The following PAICS variants were observed in gnomAD, a reference collection of about 807,000 sequenced individuals.
PAICS encodes the protein phosphoribosylaminoimidazole carboxylase and phosphoribosylaminoimidazolesuccinocarboxamide synthase, also known as bifunctional phosphoribosylaminoimidazole carboxylase/phosphoribosylaminoimidazole succinocarboxamide synthetase.
PAICS carries 33 observed loss-of-function variants against 53.7 expected under a neutral mutation model. That is an observed-to-expected ratio of 0.61 (90% CI 0.47 to 0.82). The LOEUF (loss-of-function observed/expected upper bound fraction) is 0.82, where lower values mean the gene tolerates loss of function less well. PAICS is among the 40% of genes least tolerant of loss of function. The pLI, the probability that PAICS is intolerant of heterozygous loss-of-function variation, is 0.00. For synonymous variants in PAICS, 141 were observed against 167.2 expected (o/e 0.84, Z 1.21); for missense variants, 394 against 494.1 (o/e 0.80, Z 1.92).
At chr4:56,440,407 A>G (rs1287498661) in intron 1 of PAICS, among the ~76,000 whole-genome samples, 6 of 152,168 alleles carry the variant, frequency 3.9e-5, no homozygotes, top group African/African-American at 1.2e-4. Flanking sequence ...TACTTTGTTT[A>G]ATGGTTACCT....
At chr4:56,436,114 T>A (rs1338807424), upstream of PAICS, 3 of 1,473,574 alleles carry the variant, frequency 2.0e-6, no homozygotes, top group Admixed American at 4.9e-5. Context: ...AGTGGGGCGT[T>A]GTTTCGTCCG....
the PAICS span, among the ~76,000 whole-genome samples, chr4:56,430,044 T>C: frequency 6.6e-6 from 1 of 152,156 alleles, no homozygotes; most frequent in South Asian, 2.1e-4. Flanking sequence ...GAGGATCACT[T>C]GAACTCAGGA....
rs772896399 is a variant in PAICS, at chr4:56,451,896, T to C, written c.796T>C (p.Cys266Arg). Reference protein sequence around the residue: ...VELLLKSESQCRVVVLMGSTS... With the variant: ...VELLLKSESQRRVVVLMGSTS... ...GTTGCTTTTGAAATCAGAAAGTCAG[T>C]GCAGGGTTGTAGTGTTGATGGGCTC... Residue 266 changes from cysteine to arginine, a missense_variant, in exon 7 of 9, where the codon TGC (cysteine) becomes CGC (arginine). Coordinates refer to ENST00000512576, the MANE Select transcript of PAICS (RefSeq NM_001079524.2). 6.9e-6 allele frequency: 11 copies of C among 1,599,850 alleles called. No individual in the cohort carries two copies. In the South Asian group the frequency reaches 9.0e-5, roughly 13 times the overall value.
chr4:56,437,767 G>C (rs1211484010), intron 1 of PAICS, among the ~76,000 whole-genome samples: 1 of 142,446 alleles, frequency 7.0e-6, no homozygotes, highest in Non-Finnish European at 1.5e-5. Flanking sequence ...GCTGCAGTGA[G>C]CCGGGATCGC....
chr4:56,452,100 AAAGT>A, intron 7 of PAICS, 48 bp downstream of exon 7: 5 of 1,266,746 alleles, frequency 3.9e-6, no homozygotes, highest in Non-Finnish European at 5.5e-6. Context: ...GATTTTGCTA[AAAGT>A]AATTACACAC....
At chr4:56,420,463 T>C in the PAICS span, 1 of 152,222 alleles carries the variant, frequency 6.6e-6, no homozygotes, top group Non-Finnish European at 1.5e-5. Context: ...GAATATTATA[T>C]ATGTAAGTTA....
rs752041122 is a variant in PAICS, at chr4:56,459,389, G to T, written c.1129G>T (p.Val377Leu). 4 of 1,591,960 alleles carry T rather than the reference G, an allele frequency of 2.5e-6. No homozygotes were observed. The highest frequency in any genetic ancestry group is 3.4e-6 in the Non-Finnish European group (4 of 1,165,036). ...ACCAATAGGTCTTGGCTGTTCAACCGTACTTTCTCCAGAAGGATCAGCTCA... is the reference window on the plus strand; with the variant it reads ...ACCAATAGGTCTTGGCTGTTCAACCTTACTTTCTCCAGAAGGATCAGCTCA... ...RLPSGLGCST[V>L]LSPEGSAQFA... Residue 377 changes from valine (V) to leucine (L), a missense_variant, in exon 9 of 9, where the codon GTA (valine) becomes TTA (leucine). Val to Leu is a conservative substitution (Grantham distance 32). This residue lies in a region of PAICS where 95 missense variants were observed against 89.3 expected (regional missense o/e 1.06). Coordinates refer to ENST00000512576, the MANE Select transcript of PAICS (RefSeq NM_001079524.2).
At chr4:56,445,371 G>A (rs1379414613) in intron 2 of PAICS, among the ~76,000 whole-genome samples, 4 of 152,132 alleles carry the variant, frequency 2.6e-5, no homozygotes, top group Non-Finnish European at 5.9e-5. Flanking sequence ...ACTAAGGTGG[G>A]CAGATCACGA....
At chr4:56,426,265 G>A in the PAICS span, among the ~76,000 whole-genome samples, 3 of 152,096 alleles carry the variant, frequency 2.0e-5, no homozygotes, top group Admixed American at 1.3e-4. Flanking sequence ...GCTGGGCGTG[G>A]TGGCCGCGCA....
At chr4:56,413,679 T>G in the PAICS span, among the ~76,000 whole-genome samples, 1 of 152,026 alleles carries the variant, frequency 6.6e-6, no homozygotes, top group African/African-American at 2.4e-5. Flanking sequence ...GTGGATCACC[T>G]GAGGTCAGGA....
chr4:56,459,376 T>C lies in PAICS; in HGVS notation c.1116T>C (p.Leu372=). The C allele has an allele frequency of 6.3e-7, 1 of 1,585,946 alleles. No individual in the cohort carries two copies. Among genetic ancestry groups the C allele is most frequent in the Non-Finnish European group, 8.6e-7 (1 of 1,161,556 alleles). The part of the protein sequence containing the change: ...VWSSLRLPSG[L]GCSTVLSPEG... ...TTTTCCTTGCTGAACCAATAGGTCT[T>C]GGCTGTTCAACCGTACTTTCTCCAG... The change falls in exon 9 of 9, where the codon CTT becomes CTC. Residue 372 remains leucine, a synonymous_variant. Coordinates refer to ENST00000512576, the MANE Select transcript of PAICS (RefSeq NM_001079524.2).
At chr4:56,411,788 G>C in the PAICS span, among the ~76,000 whole-genome samples, 1 of 152,210 alleles carries the variant, frequency 6.6e-6, no homozygotes, top group Non-Finnish European at 1.5e-5. Context: ...AGAGAAAACA[G>C]TAAATAGTAT....
chr4:56,452,324 G>A (rs111521045), intron 7 of PAICS, among the ~76,000 whole-genome samples: 25,663 of 151,938 alleles, frequency 0.17, 2,520 homozygotes, highest in Admixed American at 0.32. Context: ...GACTACAGGC[G>A]CCCACCACCA....
chr4:56,463,269 A>G lies in PAICS; in HGVS notation c.*3731A>G, dbSNP rs1206601411. ...AGTGGAATGGAAATCAAGTTATAAAATGGAGCTAAATATTTCTTCTGCTTG... is the reference window on the plus strand; with the variant it reads ...AGTGGAATGGAAATCAAGTTATAAAGTGGAGCTAAATATTTCTTCTGCTTG... On this transcript the variant is annotated 3_prime_UTR_variant, in exon 9 of 9. Coordinates refer to ENST00000512576, the MANE Select transcript of PAICS (RefSeq NM_001079524.2). The G allele has an allele frequency of 6.6e-6, 1 of 152,080 alleles. No individual in the cohort carries two copies. The highest frequency in any genetic ancestry group is 1.9e-4 in the East Asian group (1 of 5,144). The allele number at this position is 152,080 out of a possible 1,614,324, so 9.4% of individuals were successfully genotyped here. A position where few individuals can be genotyped will look rare whatever the true frequency, so the allele number is the denominator to read the frequency against.
intron 1 of PAICS, among the ~76,000 whole-genome samples, chr4:56,437,256 GGTGTGTGTGTGTGTGTGTGTGTGT>G (rs57161391): frequency 4.7e-4 from 58 of 124,402 alleles, no homozygotes; most frequent in African/African-American, 1.5e-3. Context: ...ATGCCATGAT[GGTGTGTGTGTGTGTGTGTGTGTGT>G]GTGTGTGTGT....
Position 56,453,755 on chromosome 4 carries a change from C to T in PAICS, c.1105C>T (p.Pro369Ser), listed in dbSNP as rs1458080819. 3.9e-6 allele frequency: 6 copies of T among 1,542,822 alleles called. No homozygotes were observed. The highest frequency in any genetic ancestry group is 5.3e-6 in the Non-Finnish European group (6 of 1,139,702). Residue 369 changes from proline to serine, a missense_variant, in exon 8 of 9, where the codon CCC (proline) becomes TCC (serine). Physicochemically the swap from Pro to Ser is moderately conservative, Grantham distance 74. Coordinates refer to ENST00000512576, the MANE Select transcript of PAICS (RefSeq NM_001079524.2). The part of the protein sequence containing the change: ...VQDVWSSLRL[P>S]SGLGCSTVLS... ...GGATGTGTGGTCTTCTCTTCGACTA[C>T]CCAGTGGTAAGATACATTGAATTTT...
At chr4:56,448,007 CT>C (rs35788109) in intron 3 of PAICS, among the ~76,000 whole-genome samples, 10,883 of 121,844 alleles carry the variant, frequency 0.089, 369 homozygotes, top group East Asian at 0.25. Context: ...AATTTCTTTT[CT>C]TTTTTTTTTT....
At chr4:56,459,222 C>G (rs781617035) in intron 8 of PAICS, 150 bp from the exon 9 acceptor site, 17 of 478,522 alleles carry the variant, frequency 3.6e-5, no homozygotes, top group Non-Finnish European at 5.9e-5. Context: ...GTATTAAAGA[C>G]AGTTGTACAG....
intron 1 of PAICS, among the ~76,000 whole-genome samples, chr4:56,437,945 C>T (rs116270103): frequency 0.011 from 1,698 of 151,602 alleles, 33 homozygotes; most frequent in African/African-American, 0.038. Context: ...GTACCTGTAC[C>T]TCTAAAATGG....
Sources: allele counts gnomAD v4.1 joint callset (sites outside exome capture counted in the v4.1 genomes callset), GRCh38; gene constraint gnomAD v4.1.1; regional missense constraint gnomAD v4.1.1; transcripts MANE v1.5; gene names NCBI Gene and HGNC (gene_info 2026-07-23, HGNC 2026-07-21).